Variants in CPVL observed in about 807,000 individuals in gnomAD.
CPVL encodes the protein carboxypeptidase vitellogenic like, also known as probable serine carboxypeptidase CPVL.
In CPVL, 51 loss-of-function variants were observed where a neutral mutation model predicts 63.7. The observed-to-expected ratio is 0.80, with a 90% CI of 0.64 to 1.01. CPVL has a LOEUF of 1.01. CPVL is among the 50% of genes least tolerant of loss of function. The probability of loss-of-function intolerance (pLI) is 0.00; values close to 1 mark genes in which losing one functional copy is unlikely to be tolerated. For missense variants in CPVL, 530 were observed against 573.1 expected (o/e 0.92, Z 0.77); for synonymous variants, 195 against 206.0 (o/e 0.95, Z 0.46).
chr7:29,071,633 G>T, intron 9 of CPVL, 140 bp downstream of exon 9: 1 of 833,156 alleles, frequency 1.2e-6, no homozygotes, highest in Non-Finnish European at 1.8e-6. Context: ...CACTCAACTC[G>T]CCTCCCGATC....
chr7:29,182,786 T>C (rs1396585697), intron 4 of CPVL, among the ~76,000 whole-genome samples: 2 of 152,226 alleles, frequency 1.3e-5, no homozygotes, highest in Non-Finnish European at 1.5e-5. Context: ...GGTAGGCTTA[T>C]AGGAAATTAA....
intron 11 of CPVL, among the ~76,000 whole-genome samples, chr7:29,053,231 C>G (rs555134099): frequency 4.6e-5 from 7 of 152,198 alleles, no homozygotes; most frequent in Admixed American, 4.6e-4. Context: ...CCAGTAATTC[C>G]ACTCTTAGGT....
In CPVL at chr7:28,995,862, T is replaced by A; in HGVS notation, c.1341A>T (p.Gly447=). The change falls in exon 13 of 13, where the codon GGA becomes GGT. Residue 447 remains glycine (G), a synonymous_variant. Coordinates refer to ENST00000265394, the MANE Select transcript of CPVL (RefSeq NM_031311.5). ...GAGGCTGGTCATAGGGTAAAATATG[T>A]CCTCCACCTCGAATAATTACCTTAA... ...DFHQVIIRGG[G]HILPYDQPLR... The A allele has an allele frequency of 3.2e-6, 5 of 1,587,204 alleles. No individual in the cohort carries two copies. The highest frequency in any genetic ancestry group is 4.3e-6 in the Non-Finnish European group (5 of 1,168,592).
intron 9 of CPVL, among the ~76,000 whole-genome samples, chr7:29,071,219 G>A (rs1783703860): frequency 6.6e-6 from 1 of 152,196 alleles, no homozygotes; most frequent in African/African-American, 2.4e-5. Context: ...TGATTCTCAA[G>A]TTTAATTTTA....
intron 5 of CPVL, among the ~76,000 whole-genome samples, chr7:29,170,656 TC>T (rs1278520437): frequency 6.6e-6 from 1 of 152,228 alleles, no homozygotes; most frequent in Non-Finnish European, 1.5e-5. Context: ...TTCTGTAATA[TC>T]TAATCTCAGG....
At position 29,027,560 on chromosome 7, in the gene CPVL, G is replaced by A. The variant is rs565577216; in HGVS notation, c.1320+3017C>T. On this transcript the variant is annotated intron_variant, in intron 12 of 12. Coordinates refer to ENST00000265394, the MANE Select transcript of CPVL (RefSeq NM_031311.5). ...AACTGTTTCTCTTTGCAGCTGACAC[G>A]ATCTTTTATACAGAAAAAACTAAAG... Among the ~76,000 whole-genome samples, 7 of 152,148 alleles carry A rather than the reference G, an allele frequency of 4.6e-5. No homozygotes were observed. In the South Asian group the frequency reaches 8.3e-4, roughly 18 times the overall value.
intron 7 of CPVL, among the ~76,000 whole-genome samples, chr7:29,085,561 C>G (rs923125158): frequency 7.2e-5 from 11 of 152,146 alleles, no homozygotes; most frequent in Non-Finnish European, 1.0e-4. Context: ...CTGATTCAGA[C>G]AGAGATCAGT....
chr7:29,176,721 G>A (rs1225372113), intron 5 of CPVL, among the ~76,000 whole-genome samples: 2 of 152,086 alleles, frequency 1.3e-5, no homozygotes, highest in East Asian at 1.9e-4. Context: ...CTAAATTAAC[G>A]TTGACAGTAT....
intron 11 of CPVL, among the ~76,000 whole-genome samples, chr7:29,033,783 T>C (rs182743212): frequency 6.6e-6 from 1 of 152,352 alleles, no homozygotes; most frequent in East Asian, 1.9e-4. Context: ...CTTTCCTTTC[T>C]GGTCAGCTGT....
chr7:29,074,570 A>T (rs937074668), intron 7 of CPVL, among the ~76,000 whole-genome samples: 8 of 151,956 alleles, frequency 5.3e-5, no homozygotes, highest in African/African-American at 1.9e-4. Flanking sequence ...CCCCAACCAA[A>T]TCTCATCTCC....
intron 1 of CPVL, among the ~76,000 whole-genome samples, chr7:29,143,090 GC>G (rs1164003464): frequency 6.6e-6 from 1 of 152,110 alleles, no homozygotes; most frequent in Non-Finnish European, 1.5e-5. Context: ...TTCCTCCCAT[GC>G]CTTCAATGGC....
At chr7:29,092,742 A>G (rs1324891694) in intron 5 of CPVL, 40 bp from the exon 6 acceptor site, 1 of 1,414,400 alleles carries the variant, frequency 7.1e-7, no homozygotes, top group South Asian at 1.2e-5. Flanking sequence ...ACACAGAGAA[A>G]CACATGCCTT....
intron 12 of CPVL, chr7:29,009,746 G>A (rs1296611924): frequency 6.6e-6 from 1 of 152,088 alleles, no homozygotes; most frequent in Admixed American, 6.6e-5. Flanking sequence ...AAAAAAGAAA[G>A]GGGATGGTAA....
At chr7:29,010,252 A>G (rs1000608265) in intron 12 of CPVL, 2 of 152,118 alleles carry the variant, frequency 1.3e-5, no homozygotes, top group African/African-American at 4.8e-5. Flanking sequence ...CAGAAGAGCA[A>G]TAAGTTGCCA....
At chr7:29,092,892 C>A (rs565648464) in intron 5 of CPVL, among the ~76,000 whole-genome samples, 190 bp from the exon 6 acceptor site, 2 of 152,134 alleles carry the variant, frequency 1.3e-5, no homozygotes, top group Non-Finnish European at 2.9e-5. Context: ...TTCTCTCCAC[C>A]CCCTAAAGCC....
chr7:29,146,298 C>CG (rs575702666), intron 1 of CPVL, 131 bp downstream of exon 1: 188 of 368,860 alleles, frequency 5.1e-4, no homozygotes, highest in Admixed American at 1.3e-3. Context: ...TCTCACTCTA[C>CG]GGTGCTTTCT....
chr7:29,119,251 C>T (rs1392039132), intron 2 of CPVL, among the ~76,000 whole-genome samples: 1 of 152,188 alleles, frequency 6.6e-6, no homozygotes, highest in East Asian at 1.9e-4. Flanking sequence ...CTTTGGGAGG[C>T]CAAGGCAGGC....
chr7:29,008,973 T>G (rs1031732655), intron 12 of CPVL: 8 of 152,050 alleles, frequency 5.3e-5, no homozygotes, highest in Non-Finnish European at 1.2e-4. Flanking sequence ...ACTTGCTGCT[T>G]CTTACTGAGC....
At chr7:29,044,721 G>A (rs191899053) in intron 11 of CPVL, among the ~76,000 whole-genome samples, 4 of 152,212 alleles carry the variant, frequency 2.6e-5, no homozygotes, top group Admixed American at 6.5e-5. Context: ...ACCCTTTCTC[G>A]ATTTGTCTTT....
Sources: gnomAD v4.1 joint callset for allele counts (sites outside exome capture counted in the v4.1 genomes callset) on GRCh38, gnomAD v4.1.1 for gene constraint, MANE v1.5 for transcripts, NCBI Gene and HGNC (gene_info 2026-07-23, HGNC 2026-07-21) for gene names.